PCMTD1: variants seen among roughly 807,000 people sequenced by gnomAD.
The protein encoded by PCMTD1 is protein-L-isoaspartate (D-aspartate) O-methyltransferase domain containing 1.
PCMTD1 carries 12 observed loss-of-function variants against 37.6 expected under a neutral mutation model. The observed-to-expected ratio is 0.32, with a 90% CI of 0.20 to 0.52. The LOEUF is 0.52. Ranked by LOEUF, PCMTD1 falls within the 20% of genes least tolerant of loss-of-function variation. The pLI, the probability that PCMTD1 is intolerant of heterozygous loss-of-function variation, is 0.97. For missense variants in PCMTD1, 235 were observed against 421.3 expected, an observed-to-expected ratio of 0.56 and a Z score of 3.87; for synonymous variants, 117 against 135.8, an observed-to-expected ratio of 0.86 and a Z score of 0.96.
chr8:51,858,314 G>A lies in PCMTD1; in HGVS notation c.307+2531C>T, dbSNP rs553917194. ...ATATGTAGTACCCATAGGACCCACT[G>A]TTTATGGGGGAGCACCTGTTATCCC... On this transcript the variant is annotated intron_variant, in intron 2 of 5. Coordinates refer to ENST00000522514, the MANE Select transcript of PCMTD1 (RefSeq NM_052937.4). Among the ~76,000 whole-genome samples, 6 of 5,096 alleles carry A rather than the reference G, an allele frequency of 1.2e-3. No individual in the cohort carries two copies. In the Non-Finnish European group the frequency reaches 0.041, roughly 34 times the overall value. 3.3% of individuals were successfully genotyped at this position (5,096 alleles called of 152,430 possible). A position where few individuals can be genotyped will look rare whatever the true frequency, so the allele number is the denominator to read the frequency against.
chr8:51,837,296 A>T (rs1167563014), intron 3 of PCMTD1, among the ~76,000 whole-genome samples: 1 of 152,166 alleles, frequency 6.6e-6, no homozygotes, highest in Non-Finnish European at 1.5e-5. Flanking sequence ...TTCCTTTAAC[A>T]TGTTTAAATT....
intron 5 of PCMTD1, among the ~76,000 whole-genome samples, chr8:51,821,783 C>T (rs1329214799): frequency 6.6e-6 from 1 of 150,828 alleles, no homozygotes; most frequent in Admixed American, 6.6e-5. Flanking sequence ...TGTCACCAGG[C>T]TGGAGTGCAG....
At chr8:51,892,006 T>C (rs2038943329) in intron 1 of PCMTD1, among the ~76,000 whole-genome samples, 2 of 152,158 alleles carry the variant, frequency 1.3e-5, no homozygotes. Context: ...TCTGAAAGCA[T>C]TCATACCAAA....
rs182569768 is a variant in PCMTD1 at position 51,851,869 on chromosome 8, C to T, written c.308-6106G>A. Among the ~76,000 whole-genome samples the T allele has an allele frequency of 8.6e-3, 1,314 of 152,092 alleles. 3 individuals are homozygous for T. The highest frequency in any genetic ancestry group is 0.014 in the Non-Finnish European group (939 of 67,970). On this transcript the variant is annotated intron_variant, in intron 2 of 5. Transcript: ENST00000522514. ...TTCTCCATGTTGGTCAGGCTGGTCT[C>T]GAACTCCTGACCTCAGGTGATCCGC...
intron 1 of PCMTD1, among the ~76,000 whole-genome samples, chr8:51,872,692 G>A (rs2038655965): frequency 6.6e-6 from 1 of 152,060 alleles, no homozygotes; most frequent in South Asian, 2.1e-4. Context: ...AACAATATTC[G>A]AATATAAGAA....
Position 51,819,015 on chromosome 8 carries a change from C to A in PCMTD1, c.*1336G>T, listed in dbSNP as rs1405317200. 3 of 135,338 alleles carry A rather than the reference C, an allele frequency of 2.2e-5. No individual in the cohort carries two copies. The highest frequency in any genetic ancestry group is 4.5e-5 in the Non-Finnish European group (3 of 66,468). 8.4% of individuals were successfully genotyped at this position (135,338 alleles called of 1,614,324 possible). A position where few individuals can be genotyped will look rare whatever the true frequency, so the allele number is the denominator to read the frequency against. On this transcript the variant is annotated 3_prime_UTR_variant, in exon 6 of 6. Transcript: ENST00000522514. ...GCAAATATGTTACATTGTACACTTT[C>A]TTAACAAGGAATGGCTGTTTTCAGG...
chr8:51,827,640 G>A (rs888848192), intron 5 of PCMTD1, among the ~76,000 whole-genome samples: 5 of 152,140 alleles, frequency 3.3e-5, no homozygotes, highest in African/African-American at 4.8e-5. Context: ...CAAGAAAAAG[G>A]AGGGATGACT....
intron 1 of PCMTD1, among the ~76,000 whole-genome samples, chr8:51,895,381 C>T (rs1174802351): frequency 6.6e-6 from 1 of 152,198 alleles, no homozygotes; most frequent in Non-Finnish European, 1.5e-5. Flanking sequence ...TTTTAAGAGC[C>T]TGCAAGTTAC....
intron 2 of PCMTD1, among the ~76,000 whole-genome samples, chr8:51,853,846 G>A (rs954393737): frequency 2.6e-5 from 4 of 152,042 alleles, no homozygotes; most frequent in Admixed American, 2.0e-4. Flanking sequence ...AAGGCAGAGA[G>A]AACTTCACTT....
chr8:51,833,807 G>A, intron 3 of PCMTD1, 118 bp from the exon 4 acceptor site: 1 of 624,626 alleles, frequency 1.6e-6, no homozygotes, highest in Non-Finnish European at 2.5e-6. Flanking sequence ...AGGATAAAAT[G>A]ATTATAAACT....
At chr8:51,866,218 A>AT (rs1443500899) in intron 1 of PCMTD1, among the ~76,000 whole-genome samples, 3 of 152,048 alleles carry the variant, frequency 2.0e-5, no homozygotes, top group Non-Finnish European at 4.4e-5. Flanking sequence ...AATAGTTAAA[A>AT]TGTCTGTACT....
intron 1 of PCMTD1, among the ~76,000 whole-genome samples, chr8:51,884,012 G>C (rs2038829345): frequency 6.6e-6 from 1 of 152,110 alleles, no homozygotes; most frequent in Non-Finnish European, 1.5e-5. Flanking sequence ...ACTTGTTCAA[G>C]GGCATACTGA....
chr8:51,894,178 GA>G (rs33931414), intron 1 of PCMTD1, among the ~76,000 whole-genome samples: 21,079 of 151,690 alleles, frequency 0.14, 2,653 homozygotes, highest in African/African-American at 0.32. Flanking sequence ...ATGGGAGAAA[GA>G]AAAAAATTCC....
At position 51,846,154 on chromosome 8, in the gene PCMTD1, G is replaced by A. The variant is rs192468566; in HGVS notation, c.308-391C>T. On this transcript the variant is annotated intron_variant, in intron 2 of 5. Transcript: ENST00000522514. ...GTAATTCAAAATACCTAAAACCATG[G>A]GCTAACACAGATATTACATGAATGT... 1.4e-3 allele frequency among the ~76,000 whole-genome samples: 211 copies of A among 152,170 alleles called. 2 individuals are homozygous for A. The highest frequency in any genetic ancestry group is 1.8e-3 in the Non-Finnish European group (121 of 68,022).
At chr8:51,897,925 A>G (rs2039030953) in intron 1 of PCMTD1, among the ~76,000 whole-genome samples, 1 of 152,016 alleles carries the variant, frequency 6.6e-6, no homozygotes, top group Admixed American at 6.6e-5. Flanking sequence ...TCTAAAGCAC[A>G]CTCATTAAAT....
At chr8:51,846,184 G>A (rs1484485336) in intron 2 of PCMTD1, among the ~76,000 whole-genome samples, 1 of 152,146 alleles carries the variant, frequency 6.6e-6, no homozygotes, top group South Asian at 2.1e-4. Flanking sequence ...GAATGTCTCA[G>A]GGCATCGCTA....
At chr8:51,873,878 T>A (rs114733509) in intron 1 of PCMTD1, among the ~76,000 whole-genome samples, 2,326 of 152,068 alleles carry the variant, frequency 0.015, 57 homozygotes, top group African/African-American at 0.052. Flanking sequence ...CTTTAAAAAT[T>A]ACCCAGGCTC....
At chr8:51,884,618 G>A (rs1465154885) in intron 1 of PCMTD1, among the ~76,000 whole-genome samples, 6 of 152,182 alleles carry the variant, frequency 3.9e-5, no homozygotes, top group Non-Finnish European at 8.8e-5. Context: ...ACACTGCAAG[G>A]GGAAAGGACT....
chr8:51,877,870 G>A (rs150289323), intron 1 of PCMTD1, among the ~76,000 whole-genome samples: 4 of 152,200 alleles, frequency 2.6e-5, no homozygotes, highest in Middle Eastern at 3.4e-3. Flanking sequence ...ACTATACTGC[G>A]CTTCTCTAAG....
Sources: allele counts gnomAD v4.1 joint callset (sites outside exome capture counted in the v4.1 genomes callset), GRCh38; gene constraint gnomAD v4.1.1; transcripts MANE v1.5; gene names NCBI Gene and HGNC (gene_info 2026-07-23, HGNC 2026-07-21).